Variants in FAM184B observed in about 807,000 individuals in gnomAD.
The protein encoded by FAM184B is protein FAM184B.
Under a neutral mutation model 135.9 loss-of-function variants are expected in FAM184B, and 111 were observed. That is an observed-to-expected ratio of 0.82 (90% CI 0.70 to 0.96). The LOEUF is 0.96. Among genes scored for constraint, FAM184B ranks in the 40% least tolerant of loss-of-function variants. The probability of loss-of-function intolerance (pLI) is 0.00; values close to 1 mark genes in which losing one functional copy is unlikely to be tolerated. For synonymous variants in FAM184B, 552 were observed against 524.8 expected (o/e 1.05, Z -0.71); for missense variants, 1,375 against 1,323.9 (o/e 1.04, Z -0.60).
chr4:17,634,055 T>A (rs1715050347), intron 16 of FAM184B, 167 bp from the exon 17 acceptor site: 2 of 495,192 alleles, frequency 4.0e-6, no homozygotes, highest in African/African-American at 4.0e-5. Flanking sequence ...CCCTCCAATC[T>A]TCATTTTGTA....
intron 1 of FAM184B, among the ~76,000 whole-genome samples, chr4:17,718,550 G>A (rs887875581): frequency 1.3e-5 from 2 of 152,196 alleles, no homozygotes; most frequent in African/African-American, 2.4e-5. Context: ...ATGGTCTGTG[G>A]ATGGCATTTA....
chr4:17,735,642 T>C (rs1020049910), intron 1 of FAM184B, among the ~76,000 whole-genome samples: 1 of 149,988 alleles, frequency 6.7e-6, no homozygotes, highest in Non-Finnish European at 1.5e-5. Flanking sequence ...ATGACAAATA[T>C]GAAAAAGAAA....
intron 17 of FAM184B, chr4:17,633,351 C>T: frequency 5.3e-6 from 1 of 189,704 alleles, no homozygotes; most frequent in Non-Finnish European, 1.1e-5. Context: ...GGATTAATTC[C>T]TTTAGTCTCA....
Position 17,781,375 on chromosome 4 carries a change from C to A in FAM184B, c.-76G>T. On this transcript the variant is annotated 5_prime_UTR_variant, in exon 1 of 18. Transcript: ENST00000265018. The surrounding 1 kb of genome is among the most constrained non-coding windows in gnomAD (Gnocchi z 6.5). ...GTGTGCACGTGCGTGCGCGCGCGGG[C>A]GTGCGAGCGTGTGGGTTTCTCGGGA... 2 of 1,399,192 alleles carry A rather than the reference C, an allele frequency of 1.4e-6. No homozygotes were observed. The highest frequency in any genetic ancestry group is 2.9e-5 in the East Asian group (1 of 34,270). 86.7% of individuals were successfully genotyped at this position (1,399,192 alleles called of 1,614,324 possible).
At chr4:17,644,245 G>A (rs61712048) in intron 12 of FAM184B, among the ~76,000 whole-genome samples, 2,153 of 152,212 alleles carry the variant, frequency 0.014, 21 homozygotes, top group Middle Eastern at 0.024. Context: ...AGTGATGCTG[G>A]TCATCCTAAT....
chr4:17,655,955 A>G (rs7669795), intron 10 of FAM184B, among the ~76,000 whole-genome samples: 5,995 of 152,238 alleles, frequency 0.039, 383 homozygotes, highest in African/African-American at 0.14. Flanking sequence ...GAACCTAATG[A>G]CCTATCCGAG....
chr4:17,726,107 G>A (rs559723054), intron 1 of FAM184B, among the ~76,000 whole-genome samples: 47 of 152,014 alleles, frequency 3.1e-4, no homozygotes, highest in African/African-American at 1.1e-3. Context: ...CGTATTTTCA[G>A]TAGAGACGGG....
At position 17,767,676 on chromosome 4, in the gene FAM184B, C is replaced by T. The variant is rs979812284; in HGVS notation, c.141+13483G>A. On this transcript the variant is annotated intron_variant, in intron 1 of 17. Transcript: ENST00000265018. ...TCTTTGTTTACATCTGCTGTTTCAG[C>T]GCTCTGTCTGGATTAGTGCCCCCTC... Among the ~76,000 whole-genome samples, 5 of 152,228 alleles carry T rather than the reference C, an allele frequency of 3.3e-5. No individual in the cohort carries two copies. The East Asian group carries it at 7.7e-4, about 24-fold the overall frequency.
intron 7 of FAM184B, among the ~76,000 whole-genome samples, chr4:17,688,060 C>T (rs1196595900): frequency 6.6e-6 from 1 of 152,224 alleles, no homozygotes; most frequent in African/African-American, 2.4e-5. Context: ...AGGCAGACAG[C>T]CGGGGCAAGA....
At chr4:17,721,009 A>G (rs1717511444) in intron 1 of FAM184B, among the ~76,000 whole-genome samples, 4 of 152,266 alleles carry the variant, frequency 2.6e-5, no homozygotes, top group Admixed American at 2.6e-4. Context: ...CATGCAGGTG[A>G]AAAAGTTCGT....
intron 1 of FAM184B, among the ~76,000 whole-genome samples, chr4:17,775,552 A>G (rs1249669225): frequency 6.6e-6 from 1 of 152,172 alleles, no homozygotes. Flanking sequence ...CAATAGAAAC[A>G]CTTTTATCTT....
intron 13 of FAM184B, among the ~76,000 whole-genome samples, chr4:17,640,916 C>A (rs1715290521): frequency 6.6e-6 from 1 of 152,108 alleles, no homozygotes; most frequent in African/African-American, 2.4e-5. Context: ...ACAGCCCTGA[C>A]AGGCCAGGTT....
At chr4:17,707,340 G>T (rs989753383) in intron 3 of FAM184B, among the ~76,000 whole-genome samples, 2 of 152,198 alleles carry the variant, frequency 1.3e-5, no homozygotes, top group African/African-American at 4.8e-5. Flanking sequence ...TAAGTGGTGG[G>T]GGGTGAAGTG....
At chr4:17,704,906 T>C in intron 5 of FAM184B, 94 bp downstream of exon 5, 1 of 1,086,538 alleles carries the variant, frequency 9.2e-7, no homozygotes, top group Non-Finnish European at 1.3e-6. Flanking sequence ...GCTCAGTAAA[T>C]GTTTGAGGAA....
chr4:17,636,741 C>T, intron 14 of FAM184B, 96 bp from the exon 15 acceptor site: 2 of 1,068,200 alleles, frequency 1.9e-6, no homozygotes, highest in Non-Finnish European at 2.6e-6. Flanking sequence ...ATCCTGTGTT[C>T]AGCCCGGCCA....
In FAM184B at chr4:17,709,160, T is replaced by C; in HGVS notation, c.626A>G (p.Gln209Arg). 6.5e-7 allele frequency: 1 copy of C among 1,548,332 alleles called. No individual in the cohort carries two copies. The change falls in exon 2 of 18, where the codon CAG becomes CGG. Residue 209 changes from glutamine (Q) to arginine (R), a missense_variant. By Grantham distance (43) the Gln-to-Arg change is conservative. Coordinates refer to ENST00000265018, the MANE Select transcript of FAM184B (RefSeq NM_015688.2). The part of the protein sequence containing the change: ...EVQRLRVENQ[Q>R]LSKDYARKAE... The stretch of plus-strand genomic sequence containing the variant: ...CTTGCGGGCGTAGTCCTTGCTCAGC[T>C]GCTGGTTCTCCACTCGCAGCCGCTG...
chr4:17,721,405 A>AAAAAAAAAAAAAAAAAC (rs1235018517), intron 1 of FAM184B, among the ~76,000 whole-genome samples: 2 of 149,612 alleles, frequency 1.3e-5, no homozygotes, highest in Non-Finnish European at 3.0e-5. Flanking sequence ...AAAAAAAAAA[A>AAAAAAAAAAAAAAAAAC]ATCTCTTTGC....
intron 7 of FAM184B, among the ~76,000 whole-genome samples, chr4:17,680,782 T>A (rs759221821): frequency 7.9e-5 from 12 of 152,240 alleles, no homozygotes; most frequent in Non-Finnish European, 1.6e-4. Flanking sequence ...GCTGGTTATT[T>A]TAAATCTGTG....
At chr4:17,666,831 G>C (rs1422553123) in intron 7 of FAM184B, among the ~76,000 whole-genome samples, 1 of 151,998 alleles carries the variant, frequency 6.6e-6, no homozygotes, top group African/African-American at 2.4e-5. Context: ...GCCTAGAACA[G>C]TGTGTGGCAC....
Sources: allele counts gnomAD v4.1 joint callset (sites outside exome capture counted in the v4.1 genomes callset), GRCh38; gene constraint gnomAD v4.1.1; non-coding constraint Gnocchi (gnomAD v3.1); transcripts MANE v1.5; gene names NCBI Gene and HGNC (gene_info 2026-07-23, HGNC 2026-07-21).